LRMDA: variants seen among roughly 807,000 people sequenced by gnomAD.
LRMDA encodes leucine rich melanocyte differentiation associated.
LRMDA carries 18 observed loss-of-function variants against 29.8 expected under a neutral mutation model. The ratio of observed to expected loss-of-function variants is 0.60; its 90% CI spans 0.42 to 0.90. The LOEUF is 0.90. LRMDA is among the 40% of genes least tolerant of loss of function. The pLI, the probability that LRMDA is intolerant of heterozygous loss-of-function variation, is 0.00. For missense variants in LRMDA, 273 were observed against 273.9 expected, an observed-to-expected ratio of 1.00 and a Z score of 0.02; for synonymous variants, 125 against 109.4, an observed-to-expected ratio of 1.14 and a Z score of -0.89.
chr10:75,777,419 C>T (rs1843327074), intron 2 of LRMDA, among the ~76,000 whole-genome samples: 1 of 152,196 alleles, frequency 6.6e-6, no homozygotes, highest in African/African-American at 2.4e-5. Context: ...AGTCTGGCTC[C>T]TGTTATTGCT....
At chr10:75,453,621 C>G (rs1041677199) in intron 2 of LRMDA, among the ~76,000 whole-genome samples, 1 of 152,086 alleles carries the variant, frequency 6.6e-6, no homozygotes, top group African/African-American at 2.4e-5. Flanking sequence ...CTCAAAAACC[C>G]TAATATGTTT....
intron 2 of LRMDA, among the ~76,000 whole-genome samples, chr10:75,708,407 A>G (rs1466947635): frequency 6.6e-6 from 1 of 152,076 alleles, no homozygotes; most frequent in Non-Finnish European, 1.5e-5. Context: ...TTTCCTTTAC[A>G]TTATTTCAAC....
chr10:76,073,184 T>C (rs1848901965), intron 5 of LRMDA, among the ~76,000 whole-genome samples: 1 of 152,220 alleles, frequency 6.6e-6, no homozygotes, highest in South Asian at 2.1e-4. Context: ...TGTTTTGTTT[T>C]GTGTTGTTTT....
rs530605287 is a variant in LRMDA, at chr10:76,273,372, T to C, written c.517-51029T>C. On this transcript the variant is annotated intron_variant, in intron 5 of 6. Transcript: ENST00000611255. The stretch of plus-strand genomic sequence containing the variant: ...TGACTTTAAAGTTTAAAAACTGATA[T>C]TTAACTGACTTTTATACTTACTAAT... Among the ~76,000 whole-genome samples the C allele has an allele frequency of 2.6e-5, 4 of 152,322 alleles. No homozygotes were observed. In the South Asian group the frequency reaches 6.2e-4, roughly 24 times the overall value.
At chr10:75,780,003 G>C (rs749009543) in intron 2 of LRMDA, among the ~76,000 whole-genome samples, 2 of 152,176 alleles carry the variant, frequency 1.3e-5, no homozygotes, top group Non-Finnish European at 2.9e-5. Flanking sequence ...TCTAGACACA[G>C]AGACACACAG....
At chr10:76,033,514 C>T (rs1848186981) in intron 2 of LRMDA, among the ~76,000 whole-genome samples, 1 of 152,114 alleles carries the variant, frequency 6.6e-6, no homozygotes, top group Admixed American at 6.5e-5. Context: ...GGGCTCTCCC[C>T]ATCTTCATGC....
chr10:76,036,374 C>T (rs1848246343), intron 3 of LRMDA, among the ~76,000 whole-genome samples: 1 of 152,202 alleles, frequency 6.6e-6, no homozygotes, highest in Admixed American at 6.5e-5. Flanking sequence ...CTTCCTGTTG[C>T]TCCATTTTAG....
At chr10:76,177,862 T>A (rs1162884503) in intron 5 of LRMDA, among the ~76,000 whole-genome samples, 2 of 152,216 alleles carry the variant, frequency 1.3e-5, no homozygotes, top group African/African-American at 4.8e-5. Context: ...ATTTTCCAGA[T>A]GAGAAAACTG....
rs564798157 is a variant in LRMDA, at chr10:76,468,663, C to T, written c.602-88546C>T. Reference sequence around the variant, plus strand: ...CTTTTTAATCATTTTCAGGTATACACATCTGACAATAGCTATCCTTTAAGT... The same window carrying T: ...CTTTTTAATCATTTTCAGGTATACATATCTGACAATAGCTATCCTTTAAGT... On this transcript the variant is annotated intron_variant, in intron 6 of 6. Coordinates refer to ENST00000611255, the MANE Select transcript of LRMDA (RefSeq NM_001305581.2). Among the ~76,000 whole-genome samples the T allele has an allele frequency of 1.6e-3, 251 of 152,286 alleles. 1 individual carries two copies. The highest frequency in any genetic ancestry group is 1.8e-3 in the Non-Finnish European group (121 of 68,028).
intron 2 of LRMDA, among the ~76,000 whole-genome samples, chr10:75,611,759 A>G (rs1317480697): frequency 6.6e-6 from 1 of 152,182 alleles, no homozygotes; most frequent in East Asian, 1.9e-4. Flanking sequence ...CTGGCCAGAA[A>G]TTGAGCTTGG....
At chr10:75,628,365 G>A (rs961274946) in intron 2 of LRMDA, among the ~76,000 whole-genome samples, 1 of 152,202 alleles carries the variant, frequency 6.6e-6, no homozygotes, top group African/African-American at 2.4e-5. Flanking sequence ...TGCTAAGTTT[G>A]AGGGTGGAAG....
intron 5 of LRMDA, among the ~76,000 whole-genome samples, chr10:76,307,128 C>A (rs1840565989): frequency 6.6e-6 from 1 of 152,086 alleles, no homozygotes; most frequent in Non-Finnish European, 1.5e-5. Context: ...CCTTGCCCAC[C>A]CCTCATGTTG....
chr10:76,475,721 A>G (rs1414816217), intron 6 of LRMDA, among the ~76,000 whole-genome samples: 1 of 152,160 alleles, frequency 6.6e-6, no homozygotes, highest in African/African-American at 2.4e-5. Flanking sequence ...AGTGCAATCA[A>G]ACTAGAACTC....
At chr10:76,154,566 T>G (rs1349458015) in intron 5 of LRMDA, among the ~76,000 whole-genome samples, 2 of 152,152 alleles carry the variant, frequency 1.3e-5, no homozygotes, top group Non-Finnish European at 2.9e-5. Context: ...ATCAGTATCA[T>G]GTTGATGGTT....
chr10:76,147,624 G>T (rs1236496260), intron 5 of LRMDA, among the ~76,000 whole-genome samples: 2 of 151,662 alleles, frequency 1.3e-5, no homozygotes, highest in East Asian at 3.9e-4. Context: ...TTTGCTATTG[G>T]TTCGAATTTC....
intron 2 of LRMDA, among the ~76,000 whole-genome samples, chr10:75,688,188 C>G (rs970900020): frequency 2.0e-5 from 3 of 152,158 alleles, no homozygotes; most frequent in African/African-American, 7.2e-5. Context: ...TTGTAAGGCT[C>G]TAGTTGCCAT....
intron 2 of LRMDA, among the ~76,000 whole-genome samples, chr10:75,881,616 CG>C (rs1486464292): frequency 6.6e-6 from 1 of 152,076 alleles, no homozygotes; most frequent in Non-Finnish European, 1.5e-5. Flanking sequence ...GCCTCTGATT[CG>C]TTGCTTTCCA....
intron 2 of LRMDA, among the ~76,000 whole-genome samples, chr10:75,828,550 C>G (rs61861027): frequency 0.015 from 2,344 of 152,120 alleles, 31 homozygotes; most frequent in South Asian, 0.026. Context: ...TGGCATTTTC[C>G]AAACCAGAGT....
chr10:76,457,393 T>C (rs1330065907), intron 6 of LRMDA, among the ~76,000 whole-genome samples: 1 of 152,222 alleles, frequency 6.6e-6, no homozygotes, highest in African/African-American at 2.4e-5. Flanking sequence ...AGTTGCCCGA[T>C]GTGCATGTTT....
Sources: allele counts gnomAD v4.1 joint callset (sites outside exome capture counted in the v4.1 genomes callset), GRCh38; gene constraint gnomAD v4.1.1; transcripts MANE v1.5; gene names NCBI Gene and HGNC (gene_info 2026-07-23, HGNC 2026-07-21).